MEI1: variants seen among roughly 807,000 people sequenced by gnomAD.
MEI1 encodes meiotic double-stranded break formation protein 1, also known as meiosis inhibitor protein 1.
A neutral mutation model predicts 146.2 loss-of-function variants in MEI1; 103 were observed. The observed-to-expected ratio is 0.70, with a 90% CI of 0.60 to 0.83. The LOEUF is 0.83. MEI1 is among the 40% of genes least tolerant of loss of function. The probability of loss-of-function intolerance (pLI) is 0.00; values close to 1 mark genes in which losing one functional copy is unlikely to be tolerated. For missense variants in MEI1, 1,529 were observed against 1,533.0 expected (o/e 1.00, Z 0.04); for synonymous variants, 652 against 628.2 (o/e 1.04, Z -0.57).
intron 7 of MEI1, 132 bp downstream of exon 7, chr22:41,724,205 G>C: frequency 8.8e-7 from 1 of 1,142,770 alleles, no homozygotes; most frequent in Non-Finnish European, 1.2e-6. Flanking sequence ...ATAATATACT[G>C]GCTGGGGGCG....
At chr22:41,769,613 C>T (rs959602038) in intron 19 of MEI1, among the ~76,000 whole-genome samples, 2 of 151,846 alleles carry the variant, frequency 1.3e-5, no homozygotes, top group Non-Finnish European at 2.9e-5. Context: ...GCTGGGATTA[C>T]AGGCATGTGC....
chr22:41,718,323 T>C, intron 6 of MEI1, 49 bp downstream of exon 6: 1 of 1,571,076 alleles, frequency 6.4e-7, no homozygotes, highest in Non-Finnish European at 8.7e-7. Flanking sequence ...TTTGACATTT[T>C]GCTAGAAGAC....
At position 41,781,771 on chromosome 22, in the gene MEI1, A is replaced by G. The variant is rs570875249; in HGVS notation, c.3013A>G (p.Arg1005Gly). The G allele has an allele frequency of 3.7e-6, 6 of 1,614,002 alleles. No individual in the cohort carries two copies. In the East Asian group the frequency reaches 8.9e-5, roughly 24 times the overall value. The stretch of plus-strand genomic sequence containing the variant: ...CACCTTGGCAAAGGCAGATTCTCCC[A>G]GGACTGCACTCCTCTGCTCTGCCTG... ...ALTLAKADSP[R>G]TALLCSAWLL... The change falls in exon 24 of 31, where the codon AGG becomes GGG. Residue 1005 changes from arginine to glycine, a missense_variant. Arg to Gly is a moderately radical substitution (Grantham distance 125, BLOSUM62 -2). Coordinates refer to ENST00000401548, the MANE Select transcript of MEI1 (RefSeq NM_152513.4).
intron 20 of MEI1, among the ~76,000 whole-genome samples, chr22:41,773,738 G>A (rs1217116553): frequency 1.3e-5 from 2 of 152,074 alleles, no homozygotes; most frequent in East Asian, 3.9e-4. Flanking sequence ...AGCCGGGCAT[G>A]GTGGCACGTG....
chr22:41,743,435 AAC>A (rs1290290301), intron 12 of MEI1, among the ~76,000 whole-genome samples: 1 of 127,534 alleles, frequency 7.8e-6, no homozygotes, highest in Admixed American at 7.7e-5. Context: ...TAAGGTCCAA[AAC>A]TATAAAGTAC....
At chr22:41,788,044 T>C (rs1383373307) in intron 26 of MEI1, among the ~76,000 whole-genome samples, 1 of 152,166 alleles carries the variant, frequency 6.6e-6, no homozygotes, top group African/African-American at 2.4e-5. Context: ...TTTTTGTTTG[T>C]TTTTGAGATG....
chr22:41,781,417 A>G (rs749418450), intron 23 of MEI1, 23 bp downstream of exon 23: 1 of 1,566,950 alleles, frequency 6.4e-7, no homozygotes, highest in Non-Finnish European at 8.7e-7. Context: ...GGGCTGGGAC[A>G]GTGAAGAGTG....
chr22:41,701,219 G>A (rs543293988), intron 1 of MEI1, among the ~76,000 whole-genome samples: 9 of 152,024 alleles, frequency 5.9e-5, no homozygotes, highest in Non-Finnish European at 1.3e-4. Context: ...GATTAAAGAC[G>A]TGAGCCACCA....
intron 7 of MEI1, among the ~76,000 whole-genome samples, chr22:41,724,631 A>AG (rs1311528660): frequency 6.6e-6 from 1 of 151,116 alleles, no homozygotes; most frequent in East Asian, 1.9e-4. Flanking sequence ...AAAAAAAAAA[A>AG]AAAATTAGCT....
intron 3 of MEI1, among the ~76,000 whole-genome samples, chr22:41,711,199 A>G (rs575571278): frequency 1.1e-4 from 16 of 151,218 alleles, no homozygotes; most frequent in African/African-American, 2.4e-4. Flanking sequence ...TTTTGAGACA[A>G]TCTCACTCTG....
intron 16 of MEI1, 181 bp from the exon 17 acceptor site, chr22:41,753,768 T>G (rs2073924299): frequency 1.8e-6 from 1 of 543,186 alleles, no homozygotes; most frequent in Non-Finnish European, 3.3e-6. Flanking sequence ...CATAAGCCAC[T>G]GTGCCCAGCC....
At chr22:41,753,925 A>G (rs369666538) in intron 16 of MEI1, 24 bp from the exon 17 acceptor site, 8 of 1,506,084 alleles carry the variant, frequency 5.3e-6, no homozygotes, top group Admixed American at 5.0e-5. Context: ...CATCTCTTCT[A>G]TTCTTTCTTC....
chr22:41,745,962 C>A lies in MEI1; in HGVS notation c.1616C>A (p.Thr539Asn), dbSNP rs940617803. The A allele has an allele frequency of 6.2e-7, 1 of 1,613,340 alleles. No homozygotes were observed. The highest frequency in any genetic ancestry group is 1.3e-5 in the African/African-American group (1 of 74,910). ...FTAPSAKKEDTLEAFSEFLLS... is the reference protein window; with the variant it reads ...FTAPSAKKEDNLEAFSEFLLS... ...GCTCCCAGCGCCAAGAAGGAAGACACCTTGGAGGCCTTCTCAGAATTTCTT... is the reference window on the plus strand; with the variant it reads ...GCTCCCAGCGCCAAGAAGGAAGACAACTTGGAGGCCTTCTCAGAATTTCTT... Residue 539 changes from threonine (T) to asparagine (N), a missense_variant, in exon 14 of 31, where the codon ACC becomes AAC. Physicochemically the swap from Thr to Asn is moderately conservative, Grantham distance 65. Transcript: ENST00000401548.
At chr22:41,752,793 T>A in intron 16 of MEI1, 142 bp downstream of exon 16, 1 of 742,460 alleles carries the variant, frequency 1.3e-6, no homozygotes, top group South Asian at 1.5e-5. Flanking sequence ...CAGCATCTGG[T>A]GCAATAAGCT....
intron 24 of MEI1, among the ~76,000 whole-genome samples, 190 bp from the exon 25 acceptor site, chr22:41,784,149 C>T (rs1335304754): frequency 6.6e-5 from 10 of 152,196 alleles, no homozygotes; most frequent in Non-Finnish European, 1.0e-4. Flanking sequence ...TCTCCAGGTT[C>T]GGACTTGATT....
chr22:41,798,153 AC>A (rs1392526685), intron 30 of MEI1, among the ~76,000 whole-genome samples: 31 of 148,828 alleles, frequency 2.1e-4, no homozygotes, highest in Non-Finnish European at 2.2e-4. Context: ...ACACACACAC[AC>A]ACACACACAC....
chr22:41,749,902 G>C (rs1255729773), intron 15 of MEI1, among the ~76,000 whole-genome samples: 4 of 151,726 alleles, frequency 2.6e-5, no homozygotes, highest in Admixed American at 2.6e-4. Context: ...GGTTTGGGGG[G>C]GTCAGTAGAG....
intron 19 of MEI1, among the ~76,000 whole-genome samples, chr22:41,769,888 A>G (rs972462019): frequency 6.6e-6 from 1 of 151,776 alleles, no homozygotes; most frequent in African/African-American, 2.4e-5. Flanking sequence ...TAATCCCAGC[A>G]CTTTAGGAGG....
At chr22:41,747,776 T>C (rs2073435220) in intron 14 of MEI1, among the ~76,000 whole-genome samples, 1 of 136,416 alleles carries the variant, frequency 7.3e-6, no homozygotes, top group African/African-American at 2.8e-5. Flanking sequence ...AACTATATTA[T>C]TATTATTACT....
Sources: gnomAD v4.1 joint callset for allele counts (sites outside exome capture counted in the v4.1 genomes callset) on GRCh38, gnomAD v4.1.1 for gene constraint, MANE v1.5 for transcripts, NCBI Gene and HGNC (gene_info 2026-07-23, HGNC 2026-07-21) for gene names.